The following SCGB2A1 variants were observed in gnomAD, a reference collection of about 807,000 sequenced individuals.
SCGB2A1 encodes mammaglobin-B.
In SCGB2A1, 6 loss-of-function variants were observed where a neutral mutation model predicts 9.2. That is an observed-to-expected ratio of 0.66 (90% confidence interval 0.36 to 1.29). SCGB2A1 has a LOEUF of 1.29. Among genes scored for constraint, SCGB2A1 ranks in the 50% most tolerant of loss-of-function variants. The probability of loss-of-function intolerance (pLI) is 0.03; values close to 1 mark genes in which losing one functional copy is unlikely to be tolerated. For missense variants in SCGB2A1, 138 were observed against 116.9 expected, an observed-to-expected ratio of 1.18 and a Z score of -0.83; for synonymous variants, 37 against 41.0, an observed-to-expected ratio of 0.90 and a Z score of 0.37.
intron 2 of SCGB2A1, among the ~76,000 whole-genome samples, chr11:62,212,728 G>T (rs970638724): frequency 6.6e-6 from 1 of 151,644 alleles, no homozygotes; most frequent in African/African-American, 2.4e-5. Flanking sequence ...TCTTGTTTCC[G>T]TTTTTTTGTC....
rs747770305 is a variant in SCGB2A1 at position 62,208,738 on chromosome 11, C to T, written c.7C>T (p.Leu3=). 2 of 1,613,766 alleles carry T rather than the reference C, an allele frequency of 1.2e-6. No homozygotes were observed. The highest frequency in any genetic ancestry group is 8.5e-7 in the Non-Finnish European group (1 of 1,179,924). ...AGACAGCAGCCGCCTCGCCATGAAG[C>T]TGCTGATGGTCCTCATGCTGGCGGC... is the stretch of plus-strand genomic sequence containing the variant. MK[L]LMVLMLAALL... The change falls in exon 1 of 3, where the codon CTG becomes TTG. Residue 3 remains leucine, a synonymous_variant. Transcript: ENST00000244930.
Sources: allele counts gnomAD v4.1 joint callset (sites outside exome capture counted in the v4.1 genomes callset), GRCh38; gene constraint gnomAD v4.1.1; transcripts MANE v1.5; gene names NCBI Gene and HGNC (gene_info 2026-07-23, HGNC 2026-07-21).